The following PEX16 variants were observed in gnomAD, a reference collection of about 807,000 sequenced individuals.
The protein encoded by PEX16 is peroxisomal biogenesis factor 16.
In PEX16, 37 loss-of-function variants were observed where a neutral mutation model predicts 50.5. The observed-to-expected ratio is 0.73, with a 90% confidence interval of 0.56 to 0.96. The LOEUF (loss-of-function observed/expected upper bound fraction) is 0.96, where lower values mean the gene tolerates loss of function less well. PEX16 is among the 40% of genes least tolerant of loss of function. PEX16 has a pLI of 0.00. For missense variants in PEX16, 401 were observed against 438.3 expected, an observed-to-expected ratio of 0.91 and a Z score of 0.76; for synonymous variants, 185 against 190.3, an observed-to-expected ratio of 0.97 and a Z score of 0.23.
intron 5 of PEX16, among the ~76,000 whole-genome samples, chr11:45,915,262 C>T (rs2086821854): frequency 6.6e-6 from 1 of 152,246 alleles, no homozygotes; most frequent in Non-Finnish European, 1.5e-5. Flanking sequence ...ATGACTCTGG[C>T]CATGACAAGT....
At chr11:45,913,989 C>G (rs763792225) in intron 8 of PEX16, 51 bp from the exon 9 acceptor site, 1 of 1,608,074 alleles carries the variant, frequency 6.2e-7, no homozygotes, top group South Asian at 1.1e-5. Flanking sequence ...TCTAGGCCCA[C>G]GGAAGGGGAG....
intron 9 of PEX16, among the ~76,000 whole-genome samples, chr11:45,912,207 A>C (rs2086786251): frequency 6.6e-6 from 1 of 151,998 alleles, no homozygotes; most frequent in Non-Finnish European, 1.5e-5. Context: ...TTTAAAAAAA[A>C]GATGGGTCAG....
At chr11:45,917,407 C>T in intron 2 of PEX16, 51 bp downstream of exon 2, 1 of 1,585,476 alleles carries the variant, frequency 6.3e-7, no homozygotes, top group African/African-American at 1.3e-5. Context: ...GGGAACTCAC[C>T]AGGGGCCAGG....
At chr11:45,912,534 C>T (rs925357811) in intron 9 of PEX16, among the ~76,000 whole-genome samples, 2 of 152,196 alleles carry the variant, frequency 1.3e-5, no homozygotes, top group Admixed American at 6.5e-5. Flanking sequence ...GACAGTGTCT[C>T]GCTCTGTCAC....
Position 45,909,836 on chromosome 11 carries a change from G to T in PEX16, c.*418C>A. On this transcript the variant is annotated 3_prime_UTR_variant, in exon 11 of 11. Transcript: ENST00000378750. ...CCTGCGGAGAAGGGGCAGACGGAGG[G>T]CCCCAGCCAGAAGACACGCTGGGCA... 1.8e-6 allele frequency: 1 copy of T among 558,822 alleles called. No individual in the cohort carries two copies. Among genetic ancestry groups the T allele is most frequent in the Non-Finnish European group, 3.2e-6 (1 of 309,728 alleles). The allele number at this position is 558,822 out of a possible 1,614,324, so 34.6% of individuals were successfully genotyped here. A position where few individuals can be genotyped will look rare whatever the true frequency, so the allele number is the denominator to read the frequency against.
intron 9 of PEX16, among the ~76,000 whole-genome samples, chr11:45,912,290 A>G (rs2086787122): frequency 1.3e-5 from 2 of 152,184 alleles, no homozygotes; most frequent in African/African-American, 2.4e-5. Flanking sequence ...CGAGGTCAGG[A>G]GATCGAGACC....
intron 10 of PEX16, 42 bp downstream of exon 10, chr11:45,910,856 G>A (rs367737726): frequency 2.1e-5 from 33 of 1,540,194 alleles, no homozygotes; most frequent in African/African-American, 2.7e-5. Flanking sequence ...GCATGCATGC[G>A]CCTTCCAGCA....
In PEX16 at chr11:45,914,374, G is replaced by C; in HGVS notation, c.636C>G (p.Pro212=). The change falls in exon 7 of 11, where the codon CCC becomes CCG. Residue 212 remains proline (P), a synonymous_variant. Transcript: ENST00000378750. ...CTGCGATGGTCTCCTGCAGCCCCAG[G>C]GGGGTGGGGGTCGCACTCAGCTCCT... The part of the protein sequence containing the change: ...HHEELSATPT[P]LGLQETIAEF... 1.9e-6 allele frequency: 3 copies of C among 1,610,874 alleles called. No homozygotes were observed. Among genetic ancestry groups the C allele is most frequent in the Admixed American group, 1.7e-5 (1 of 60,034 alleles).
chr11:45,913,034 G>C (rs1262484743), intron 9 of PEX16, among the ~76,000 whole-genome samples: 1 of 151,770 alleles, frequency 6.6e-6, no homozygotes, highest in Non-Finnish European at 1.5e-5. Context: ...GGTTGCCCAG[G>C]CTGGTCTCGA....
chr11:45,917,128 C>T (rs2086845004), intron 2 of PEX16: 1 of 628,794 alleles, frequency 1.6e-6, no homozygotes, highest in Non-Finnish European at 3.0e-6. Flanking sequence ...TCTCTAACCT[C>T]ACTGAGCTTC....
At chr11:45,915,651 T>C in intron 4 of PEX16, 52 bp downstream of exon 4, 2 of 1,612,982 alleles carry the variant, frequency 1.2e-6, no homozygotes, top group Non-Finnish European at 1.7e-6. Flanking sequence ...ACCATCTGTG[T>C]AGCTAGCCTG....
chr11:45,915,432 G>A (rs1215954940), intron 5 of PEX16, 36 bp downstream of exon 5: 1 of 1,513,476 alleles, frequency 6.6e-7, no homozygotes, highest in African/African-American at 1.4e-5. Context: ...TAGTCCCATG[G>A]CCCATTCCGC....
chr11:45,910,979 A>G lies in PEX16; in HGVS notation c.888-17T>C. On this transcript the variant is annotated splice_polypyrimidine_tract_variant and intron_variant, in intron 9 of 10. Transcript: ENST00000378750. The stretch of plus-strand genomic sequence containing the variant: ...ATCCTGGCCCTGGGGGAGGCAATAA[A>G]TGGGGAGCAAGCTGAGTGGGGTGGG... 9 of 1,487,348 alleles carry G rather than the reference A, an allele frequency of 6.1e-6. No individual in the cohort carries two copies. The highest frequency in any genetic ancestry group is 8.4e-6 in the Non-Finnish European group (9 of 1,065,746). The allele number at this position is 1,487,348 out of a possible 1,614,324, so 92.1% of individuals were successfully genotyped here. A position where few individuals can be genotyped will look rare whatever the true frequency, so the allele number is the denominator to read the frequency against.
intron 9 of PEX16, among the ~76,000 whole-genome samples, chr11:45,912,819 T>C (rs932926033): frequency 6.9e-6 from 1 of 145,352 alleles, no homozygotes; most frequent in East Asian, 2.0e-4. Flanking sequence ...GCCAGTTTTG[T>C]TTTTTTTTTT....
Position 45,917,747 on chromosome 11 carries a change from G to A in PEX16, c.65C>T (p.Thr22Met), listed in dbSNP as rs1347076898. 8 of 1,558,034 alleles carry A rather than the reference G, an allele frequency of 5.1e-6. No homozygotes were observed. The Admixed American group carries it at 1.5e-4, about 30-fold the overall frequency. The part of the protein sequence containing the change: ...QEYVTRHPAA[T>M]AQLETAVRGF... ...CCGCACTGCTGTCTCCAGCTGGGCC[G>A]TGGCGGCCGGGTGACGAGTCACGTA... Residue 22 changes from threonine (T) to methionine (M), a missense_variant, in exon 1 of 11, where the codon ACG (threonine) becomes ATG (methionine). Physicochemically the swap from Thr to Met is moderately conservative, Grantham distance 81 (BLOSUM62 -1). Coordinates refer to ENST00000378750, the MANE Select transcript of PEX16 (RefSeq NM_004813.4).
rs188945198 is a variant in PEX16 at position 45,916,803 on chromosome 11, G to A, written c.149-500C>T. Among the ~76,000 whole-genome samples the A allele has an allele frequency of 1.5e-3, 230 of 152,296 alleles. 2 individuals carry two copies. Among genetic ancestry groups the A allele is most frequent in the Non-Finnish European group, 1.6e-3 (106 of 68,032 alleles). On this transcript the variant is annotated intron_variant, in intron 2 of 10. Transcript: ENST00000378750. Reference sequence around the variant, plus strand: ...TCCTGCCTCAGCCTCTCAAGTAGCTGGGACTACAGGCACCTGCTACCATGC... The same window carrying A: ...TCCTGCCTCAGCCTCTCAAGTAGCTAGGACTACAGGCACCTGCTACCATGC...
intron 8 of PEX16, 65 bp downstream of exon 8, chr11:45,914,066 T>G (rs889837271): frequency 6.3e-7 from 1 of 1,574,902 alleles, no homozygotes; most frequent in South Asian, 1.1e-5. Context: ...ACCCCGCCTA[T>G]GTGAGGCCAG....
In PEX16 at chr11:45,914,413, C is replaced by T. The variant is rs1230236758; in HGVS notation, c.597G>A (p.Gln199=). Residue 199 remains glutamine (Q), a synonymous_variant, in exon 7 of 11, where the codon CAG becomes CAA. Coordinates refer to ENST00000378750, the MANE Select transcript of PEX16 (RefSeq NM_004813.4). ...WGAPQQREGR[Q]QQHHEELSAT... ...CACTCAGCTCCTCGTGATGCTGCTG[C>T]TGCCGTCCCTCCCGCTGCTGGGGAG... 6.2e-7 allele frequency: 1 copy of T among 1,609,302 alleles called. No individual in the cohort carries two copies. The highest frequency in any genetic ancestry group is 8.5e-7 in the Non-Finnish European group (1 of 1,179,990).
At position 45,913,730 on chromosome 11, in the gene PEX16, C is replaced by T. The variant is rs1056454834; in HGVS notation, c.887+89G>A. ...AGTGCTTGGTGAACCCTGGATGAGG[C>T]GTGGGGAAGGGAAGGCGCCAGCAGG... On this transcript the variant is annotated intron_variant, in intron 9 of 10. Transcript: ENST00000378750. 3.1e-5 allele frequency: 45 copies of T among 1,448,814 alleles called. No individual in the cohort carries two copies. The Admixed American group carries it at 7.1e-4, about 23-fold the overall frequency. 89.7% of individuals were successfully genotyped at this position (1,448,814 alleles called of 1,614,324 possible). A position where few individuals can be genotyped will look rare whatever the true frequency, so the allele number is the denominator to read the frequency against.
Sources: allele counts gnomAD v4.1 joint callset (sites outside exome capture counted in the v4.1 genomes callset), GRCh38; gene constraint gnomAD v4.1.1; transcripts MANE v1.5; gene names NCBI Gene and HGNC (gene_info 2026-07-23, HGNC 2026-07-21).